F12: variants seen among roughly 807,000 people sequenced by gnomAD.
The protein encoded by F12 is coagulation factor XII, also known as Hageman factor.
Under a neutral mutation model 74.8 loss-of-function variants are expected in F12, and 70 were observed. The observed-to-expected ratio is 0.94, with a 90% CI of 0.77 to 1.14. The LOEUF is 1.14. F12 is among the 50% of genes most tolerant of loss of function. F12 has a pLI of 0.00. For synonymous variants in F12, 373 were observed against 356.4 expected (o/e 1.05, Z -0.52); for missense variants, 811 against 835.7 (o/e 0.97, Z 0.36).
At chr5:177,406,234 A>G (rs1202658709) in intron 2 of F12, among the ~76,000 whole-genome samples, 173 bp from the exon 3 acceptor site, 1 of 152,216 alleles carries the variant, frequency 6.6e-6, no homozygotes, top group Non-Finnish European at 1.5e-5. Flanking sequence ...CAAGCCTGTA[A>G]TCCCAGCACT....
chr5:177,404,623 G>C lies in F12; in HGVS notation c.676C>G (p.Arg226Gly), dbSNP rs978204872. The change falls in exon 8 of 14, where the codon CGC becomes GGC. Residue 226 changes from arginine (R) to glycine (G), a missense_variant. Transcript: ENST00000253496. The stretch of plus-strand genomic sequence containing the variant: ...GAGAGCGTGGTCCTGGCCAGGCCGC[G>C]GTAGCTGAGCCCGCGGCCATCATAG... ...SCYDGRGLSY[R>G]GLARTTLSGA... is the part of the protein sequence containing the mutation. 1.2e-6 allele frequency: 2 copies of C among 1,607,154 alleles called. No individual in the cohort carries two copies. Among genetic ancestry groups the C allele is most frequent in the South Asian group, 1.1e-5 (1 of 91,012 alleles).
chr5:177,403,719 C>T (rs1456089118), intron 10 of F12, 102 bp from the exon 11 acceptor site: 15 of 1,519,480 alleles, frequency 9.9e-6, no homozygotes, highest in Non-Finnish European at 8.8e-7. Context: ...CCAGCTTCCT[C>T]CCCGGGAGCT....
chr5:177,404,501 G>A lies in F12; in HGVS notation c.798C>T (p.Cys266=), dbSNP rs769787706. Residue 266 remains cysteine (C), a splice_region_variant and synonymous_variant, in exon 8 of 14, where the codon TGC becomes TGT. Transcript: ENST00000253496. ...TCACCCAGCCCCACGCGGCGCACCG[G>A]CAGAAGGCGTGGCCGCCCAGTCCCC... ...RNWGLGGHAF[C]RNPDNDIRPW... is the part of the protein sequence containing the mutation. 1.9e-6 allele frequency: 3 copies of A among 1,591,332 alleles called. No homozygotes were observed. Among genetic ancestry groups the A allele is most frequent in the East Asian group, 2.3e-5 (1 of 43,610 alleles).
At chr5:177,407,662 T>A (rs1763322523) in intron 2 of F12, among the ~76,000 whole-genome samples, 1 of 151,976 alleles carries the variant, frequency 6.6e-6, no homozygotes, top group Non-Finnish European at 1.5e-5. Context: ...GTTGTGTGCC[T>A]GTAATCCCAG....
chr5:177,408,132 T>C (rs1171080872), intron 2 of F12, among the ~76,000 whole-genome samples: 1 of 152,004 alleles, frequency 6.6e-6, no homozygotes, highest in African/African-American at 2.4e-5. Flanking sequence ...CTTCGTTCAC[T>C]GCAACCTTCA....
intron 4 of F12, 134 bp downstream of exon 4, chr5:177,405,601 A>T: frequency 8.3e-7 from 1 of 1,211,844 alleles, no homozygotes; most frequent in Non-Finnish European, 1.2e-6. Context: ...CTCCCTCTGG[A>T]CTTCCAAAGG....
chr5:177,406,912 A>G (rs1289610245), intron 2 of F12, among the ~76,000 whole-genome samples: 1 of 152,150 alleles, frequency 6.6e-6, no homozygotes, highest in South Asian at 2.1e-4. Flanking sequence ...CAGCTCTCCT[A>G]TTGAATGAGT....
chr5:177,405,244 G>T, intron 5 of F12, 59 bp from the exon 6 acceptor site: 1 of 1,613,376 alleles, frequency 6.2e-7, no homozygotes, highest in Non-Finnish European at 8.5e-7. Context: ...AAGTCTCCGA[G>T]TATCCAGCAA....
At chr5:177,409,382 A>G (rs1763354870) in intron 1 of F12, 89 bp downstream of exon 1, 1 of 1,479,182 alleles carries the variant, frequency 6.8e-7, no homozygotes, top group African/African-American at 1.4e-5. Flanking sequence ...ACCTGGACCC[A>G]CAGGTCATGA....
rs1271125447 is a variant in F12, at chr5:177,402,377, G to C, written c.1763C>G (p.Ser588Trp). ...LTLQGIISWG[S>W]GCGDRNKPGV... is the part of the protein sequence containing the mutation. ...TGGCTTGTTGCGGTCACCACAGCCC[G>C]ATCCCCAGCTGATGATGCCTTGCAG... The change falls in exon 14 of 14, where the codon TCG (serine) becomes TGG (tryptophan). Residue 588 changes from serine (S) to tryptophan (W), a missense_variant. Transcript: ENST00000253496. The C allele has an allele frequency of 6.2e-7, 1 of 1,613,610 alleles. No homozygotes were observed.
Position 177,402,295 on chromosome 5 carries a change from G to T in F12, c.1845C>A (p.Ser615=). ...YLAWIREHTV[S] is the part of the protein sequence containing the mutation. Reference sequence around the variant, plus strand: ...GGAAAGATGAGTCCCTGAGCAATCAGGAAACGGTGTGCTCCCGGATCCAGG... The same window carrying T: ...GGAAAGATGAGTCCCTGAGCAATCATGAAACGGTGTGCTCCCGGATCCAGG... Residue 615 remains serine, a synonymous_variant, in exon 14 of 14, where the codon TCC becomes TCA. Coordinates refer to ENST00000253496, the MANE Select transcript of F12 (RefSeq NM_000505.4). 1 of 1,613,696 alleles carries T rather than the reference G, an allele frequency of 6.2e-7. No homozygotes were observed. Among genetic ancestry groups the T allele is most frequent in the Non-Finnish European group, 8.5e-7 (1 of 1,179,954 alleles).
rs184820906 is a variant in F12, at chr5:177,406,292, T to G, written c.116-231A>C. ...TCACGAGGTCAGGAGATCAAGACCA[T>G]CCTGGCTAATACAGTGAAACCCCCT... On this transcript the variant is annotated intron_variant, in intron 2 of 13. Coordinates refer to ENST00000253496, the MANE Select transcript of F12 (RefSeq NM_000505.4). 1.1e-3 allele frequency among the ~76,000 whole-genome samples: 168 copies of G among 152,164 alleles called. No individual in the cohort carries two copies. The Middle Eastern group carries it at 0.02, about 18-fold the overall frequency.
At position 177,403,994 on chromosome 5, in the gene F12, C is replaced by G. The variant is rs118204454; in HGVS notation, c.1115G>C (p.Arg372Pro). The G allele has an allele frequency of 1.1e-5, 18 of 1,602,802 alleles. No individual in the cohort carries two copies. The highest frequency in any genetic ancestry group is 1.5e-5 in the Non-Finnish European group (18 of 1,179,660). The change falls in exon 10 of 14, where the codon CGC (arginine) becomes CCC (proline). Residue 372 changes from arginine to proline, a missense_variant. Physicochemically the swap from Arg to Pro is moderately radical, Grantham distance 103 (BLOSUM62 -2). Coordinates refer to ENST00000253496, the MANE Select transcript of F12 (RefSeq NM_000505.4). Reference sequence around the variant, plus strand: ...TAGCGCCACCAGCCCGCCAACGACGCGGGTCATCGAAGACAGACTCTTGCG... The same window carrying G: ...TAGCGCCACCAGCCCGCCAACGACGGGGGTCATCGAAGACAGACTCTTGCG... ...RLRKSLSSMT[R>P]VVGGLVALRG...
chr5:177,407,841 C>T (rs1378969173), intron 2 of F12, among the ~76,000 whole-genome samples: 11 of 150,612 alleles, frequency 7.3e-5, no homozygotes, highest in Non-Finnish European at 5.9e-5. Flanking sequence ...GGACCTTAGG[C>T]AGGGGATTAG....
chr5:177,402,647 G>T lies in F12; in HGVS notation c.1583C>A (p.Ser528Tyr), dbSNP rs747077611. Residue 528 changes from serine to tyrosine, a missense_variant, in exon 13 of 14, where the codon TCC (serine) becomes TAC (tyrosine). Ser to Tyr is a moderately radical substitution (Grantham distance 144). Coordinates refer to ENST00000253496, the MANE Select transcript of F12 (RefSeq NM_000505.4). ...GTCCGGGGCTGAGCAGCGCTCCAGG[G>T]AGAGGAACGGTACCTGCGCCTCCTG... Reference protein sequence around the residue: ...FLQEAQVPFLSLERCSAPDVH... With the variant: ...FLQEAQVPFLYLERCSAPDVH... 1.9e-6 allele frequency: 3 copies of T among 1,612,940 alleles called. No individual in the cohort carries two copies. The East Asian group carries it at 6.7e-5, about 36-fold the overall frequency.
chr5:177,403,703 C>A, intron 10 of F12, 86 bp from the exon 11 acceptor site: 1 of 1,545,346 alleles, frequency 6.5e-7, no homozygotes, highest in South Asian at 1.2e-5. Context: ...ACCCCAATCC[C>A]GTGTTCCAGC....
rs556937746 is a variant in F12 at position 177,402,412 on chromosome 5, G to A, written c.1728C>T (p.Arg576=). 1.2e-6 allele frequency: 2 copies of A among 1,612,658 alleles called. No individual in the cohort carries two copies. Among genetic ancestry groups the A allele is most frequent in the East Asian group, 2.2e-5 (1 of 44,788 alleles). ...PLVCEDQAAE[R]RLTLQGIISW... is the part of the protein sequence containing the mutation. Reference sequence around the variant, plus strand: ...TGATGATGCCTTGCAGGGTGAGCCGGCGCTCTGCAGCTTGGTCCTCACACA... The same window carrying A: ...TGATGATGCCTTGCAGGGTGAGCCGACGCTCTGCAGCTTGGTCCTCACACA... The change falls in exon 14 of 14, where the codon CGC becomes CGT. Residue 576 remains arginine, a synonymous_variant. Transcript: ENST00000253496.
chr5:177,407,300 G>T (rs1482801878), intron 2 of F12, among the ~76,000 whole-genome samples: 1 of 152,172 alleles, frequency 6.6e-6, no homozygotes, highest in African/African-American at 2.4e-5. Context: ...AATGAGAATT[G>T]CCTGTGTCTT....
chr5:177,404,312 G>T lies in F12; in HGVS notation c.902C>A (p.Ala301Glu), dbSNP rs1763227740. Residue 301 changes from alanine (A) to glutamate (E), a missense_variant, in exon 9 of 14, where the codon GCG (alanine) becomes GAG (glutamate). Transcript: ENST00000253496. The part of the protein sequence containing the change: ...DLAQCQTPTQ[A>E]APPTPVSPRL... The stretch of plus-strand genomic sequence containing the variant: ...AGGGGACACCGGGGTCGGAGGCGCC[G>T]CCTGGGTTGGGGTCTGGCACTGTGC... 6.2e-7 allele frequency: 1 copy of T among 1,602,088 alleles called. No individual in the cohort carries two copies. Among genetic ancestry groups the T allele is most frequent in the Non-Finnish European group, 8.5e-7 (1 of 1,173,920 alleles).
Sources: gnomAD v4.1 joint callset for allele counts (sites outside exome capture counted in the v4.1 genomes callset) on GRCh38, gnomAD v4.1.1 for gene constraint, MANE v1.5 for transcripts, NCBI Gene and HGNC (gene_info 2026-07-23, HGNC 2026-07-21) for gene names.